Variants in WDR7 observed in about 807,000 individuals in gnomAD.
WDR7 encodes WD repeat-containing protein 7.
WDR7 carries 46 observed loss-of-function variants against 169.4 expected under a neutral mutation model. The ratio of observed to expected loss-of-function variants is 0.27; its 90% CI spans 0.21 to 0.35. The LOEUF is 0.35. Among genes scored for constraint, WDR7 ranks in the 10% least tolerant of loss-of-function variants. The pLI is 1.00. For missense variants in WDR7, 1,534 were observed against 1,859.3 expected (o/e 0.83, Z 3.22); for synonymous variants, 612 against 666.8 (o/e 0.92, Z 1.27).
chr18:56,696,550 T>G, intron 12 of WDR7, 88 bp downstream of exon 12: 1 of 1,102,088 alleles, frequency 9.1e-7, no homozygotes. Flanking sequence ...TAGACTAACT[T>G]AAAGGAAGTG....
rs542147116 is a variant in WDR7 at position 56,982,775 on chromosome 18, T to C, written c.4164+20246T>C. Among the ~76,000 whole-genome samples the C allele has an allele frequency of 5.3e-5, 8 of 152,352 alleles. No individual in the cohort carries two copies. In the South Asian group the frequency reaches 1.4e-3, roughly 28 times the overall value. On this transcript the variant is annotated intron_variant, in intron 26 of 27. Coordinates refer to ENST00000254442, the MANE Select transcript of WDR7 (RefSeq NM_015285.3). Reference sequence around the variant, plus strand: ...ATAGGAGTACATTCTAAATTATTCTTAACTTCTGCTCATGTTAGGTGAAAA... The same window carrying C: ...ATAGGAGTACATTCTAAATTATTCTCAACTTCTGCTCATGTTAGGTGAAAA...
chr18:56,948,794 G>A (rs1412542832), intron 25 of WDR7, among the ~76,000 whole-genome samples: 1 of 152,154 alleles, frequency 6.6e-6, no homozygotes, highest in Admixed American at 6.5e-5. Flanking sequence ...GCTCTTCAGA[G>A]TGGGGTGTGC....
In WDR7 at chr18:56,694,694, G is replaced by A; in HGVS notation, c.1042G>A (p.Asp348Asn). ...EYFHKLLIQG[D>N]SSGRLNIWNI... ...TTTCCATAAACTGTTAATTCAGGGT[G>A]ATTCTTCTGGAAGGTTGAATATTTG... The change falls in exon 10 of 28, where the codon GAT (aspartate) becomes AAT (asparagine). Residue 348 changes from aspartate (D) to asparagine (N), a missense_variant. Transcript: ENST00000254442. 1 of 1,613,494 alleles carries A rather than the reference G, an allele frequency of 6.2e-7. No individual in the cohort carries two copies. Among genetic ancestry groups the A allele is most frequent in the Non-Finnish European group, 8.5e-7 (1 of 1,179,664 alleles).
intron 3 of WDR7, among the ~76,000 whole-genome samples, 158 bp downstream of exon 3, chr18:56,679,596 TA>T (rs1267282819): frequency 6.6e-6 from 1 of 152,210 alleles, no homozygotes; most frequent in African/African-American, 2.4e-5. Flanking sequence ...AATCTGATTT[TA>T]GGGATGTAAA....
intron 14 of WDR7, among the ~76,000 whole-genome samples, chr18:56,738,372 C>T (rs547432765): frequency 6.6e-6 from 1 of 152,164 alleles, no homozygotes; most frequent in South Asian, 2.1e-4. Context: ...AGTTGGAGAC[C>T]AGCCTGGGCA....
chr18:56,937,965 T>G (rs1277017879), intron 23 of WDR7, among the ~76,000 whole-genome samples: 3 of 152,184 alleles, frequency 2.0e-5, no homozygotes, highest in African/African-American at 4.8e-5. Flanking sequence ...AAGAAACTCA[T>G]AAGGAAGTGA....
chr18:56,769,129 T>C (rs1418316182), intron 16 of WDR7, among the ~76,000 whole-genome samples: 1 of 152,144 alleles, frequency 6.6e-6, no homozygotes, highest in African/African-American at 2.4e-5. Flanking sequence ...ACATGCTACT[T>C]GAGAAAAAGG....
intron 21 of WDR7, among the ~76,000 whole-genome samples, chr18:56,915,267 A>G (rs1316800294): frequency 1.3e-5 from 2 of 152,192 alleles, no homozygotes; most frequent in South Asian, 4.1e-4. Flanking sequence ...AAGCAAAGAA[A>G]TAGAATTCTA....
chr18:56,739,468 C>T (rs1052585260), intron 14 of WDR7, among the ~76,000 whole-genome samples: 11 of 151,978 alleles, frequency 7.2e-5, no homozygotes, highest in Admixed American at 2.0e-4. Flanking sequence ...CTTTAAATTC[C>T]ACTAGACATT....
intron 12 of WDR7, among the ~76,000 whole-genome samples, chr18:56,700,551 G>A (rs1306793469): frequency 3.0e-5 from 4 of 131,710 alleles, no homozygotes; most frequent in African/African-American, 8.5e-5. Flanking sequence ...CACTGCGCCT[G>A]GCCAATATTG....
intron 14 of WDR7, among the ~76,000 whole-genome samples, chr18:56,743,657 A>G (rs1599008839): frequency 6.6e-6 from 1 of 152,308 alleles, no homozygotes; most frequent in East Asian, 1.9e-4. Context: ...GTGAAAGGAA[A>G]GTGTGGAAAT....
intron 27 of WDR7, among the ~76,000 whole-genome samples, chr18:57,021,778 GC>G (rs2048296100): frequency 6.6e-6 from 1 of 152,100 alleles, no homozygotes; most frequent in South Asian, 2.1e-4. Context: ...TTCTTAGAAT[GC>G]CAGTATGTTT....
At chr18:56,803,918 T>A (rs1229287003) in intron 19 of WDR7, among the ~76,000 whole-genome samples, 1 of 152,262 alleles carries the variant, frequency 6.6e-6, no homozygotes, top group Admixed American at 6.5e-5. Context: ...ACCTCAACCT[T>A]TTCAGTAGCT....
At chr18:56,804,511 G>C (rs552574821) in intron 19 of WDR7, among the ~76,000 whole-genome samples, 11 of 152,258 alleles carry the variant, frequency 7.2e-5, no homozygotes, top group Admixed American at 6.5e-4. Flanking sequence ...AATAACATCT[G>C]TGTTTTGTAA....
chr18:56,931,861 C>A (rs967382839), intron 22 of WDR7, among the ~76,000 whole-genome samples: 6 of 152,058 alleles, frequency 3.9e-5, no homozygotes, highest in African/African-American at 1.4e-4. Context: ...CCTTTAGGGA[C>A]CAGCTTGGAA....
intron 20 of WDR7, among the ~76,000 whole-genome samples, chr18:56,819,426 C>G (rs1333481085): frequency 1.3e-5 from 2 of 152,128 alleles, no homozygotes; most frequent in Non-Finnish European, 2.9e-5. Context: ...TATTGATCGG[C>G]TCTACAGAGT....
At chr18:56,690,725 G>A (rs1269265913) in intron 7 of WDR7, among the ~76,000 whole-genome samples, 2 of 152,040 alleles carry the variant, frequency 1.3e-5, no homozygotes, top group Non-Finnish European at 2.9e-5. Context: ...TGAGGTAGGA[G>A]AATCACTTGA....
chr18:56,930,834 C>T (rs1222144716), intron 22 of WDR7, among the ~76,000 whole-genome samples: 1 of 152,118 alleles, frequency 6.6e-6, no homozygotes, highest in Non-Finnish European at 1.5e-5. Flanking sequence ...TCCACCGGCC[C>T]CCCTGGAATA....
chr18:56,679,218 A>T, intron 2 of WDR7, 114 bp from the exon 3 acceptor site: 1 of 773,444 alleles, frequency 1.3e-6, no homozygotes, highest in Non-Finnish European at 2.0e-6. Flanking sequence ...GGGCTAGAAT[A>T]AAAAATCTTA....
Sources: gnomAD v4.1 joint callset for allele counts (sites outside exome capture counted in the v4.1 genomes callset) on GRCh38, gnomAD v4.1.1 for gene constraint, MANE v1.5 for transcripts, NCBI Gene and HGNC (gene_info 2026-07-23, HGNC 2026-07-21) for gene names.